ANK3: variants seen among roughly 807,000 people sequenced by gnomAD.
ANK3 encodes ankyrin 3.
In ANK3, 57 loss-of-function variants were observed where a neutral mutation model predicts 370.9. The ratio of observed to expected loss-of-function variants is 0.15; its 90% CI spans 0.12 to 0.19. The LOEUF (loss-of-function observed/expected upper bound fraction) is 0.19. ANK3 is among the 10% of genes least tolerant of loss of function. The pLI is 1.00. For synonymous variants in ANK3, 1,929 were observed against 1,946.3 expected, an observed-to-expected ratio of 0.99 and a Z score of 0.23; for missense variants, 4,439 against 5,302.1, an observed-to-expected ratio of 0.84 and a Z score of 5.06.
intron 2 of ANK3, among the ~76,000 whole-genome samples, chr10:60,597,956 A>G (rs2078010844): frequency 6.6e-6 from 1 of 152,222 alleles, no homozygotes; most frequent in African/African-American, 2.4e-5. Context: ...TGAACTTCAC[A>G]TAATAAAATA....
At chr10:60,080,649 T>A in intron 35 of ANK3, 31 bp from the exon 36 acceptor site, 1 of 1,512,074 alleles carries the variant, frequency 6.6e-7, no homozygotes, top group Non-Finnish European at 8.9e-7. Flanking sequence ...GACAACTCTA[T>A]TTCCAACTTC....
rs1444576681 is a variant in ANK3, at chr10:60,083,586, C to A, written c.4106G>T (p.Cys1369Phe). Residue 1369 changes from cysteine to phenylalanine, a missense_variant, in exon 33 of 44, where the codon TGT (cysteine) becomes TTT (phenylalanine). Coordinates refer to ENST00000280772, the MANE Select transcript of ANK3 (RefSeq NM_020987.5). ...GGTAAGTGGGGCCAAATTTCCATAA[C>A]AATCAACATAAATAGGTTTTCCTTC... ...VLEGKPIYVD[C>F]YGNLAPLTKG... The A allele has an allele frequency of 1.2e-6, 2 of 1,609,246 alleles. No individual in the cohort carries two copies. The highest frequency in any genetic ancestry group is 3.4e-5 in the Admixed American group (2 of 59,580).
chr10:60,364,666 A>G (rs549356625), intron 1 of ANK3, among the ~76,000 whole-genome samples: 1 of 152,306 alleles, frequency 6.6e-6, no homozygotes, highest in Admixed American at 6.5e-5. Context: ...CATTCTGCAC[A>G]TGTACCCCAG....
intron 2 of ANK3, among the ~76,000 whole-genome samples, chr10:60,597,451 G>A (rs1367482287): frequency 6.6e-6 from 1 of 152,172 alleles, no homozygotes; most frequent in East Asian, 1.9e-4. Flanking sequence ...ACTACTGTAT[G>A]TATTTAGCAG....
intron 1 of ANK3, among the ~76,000 whole-genome samples, chr10:60,671,020 G>A (rs1306844418): frequency 6.6e-6 from 1 of 152,136 alleles, no homozygotes; most frequent in Non-Finnish European, 1.5e-5. Flanking sequence ...GAATAAATAA[G>A]TAAATCAATA....
chr10:60,525,241 C>A (rs1325629962), intron 2 of ANK3, among the ~76,000 whole-genome samples: 1 of 151,968 alleles, frequency 6.6e-6, no homozygotes, highest in Non-Finnish European at 1.5e-5. Context: ...TGAAAAGAGA[C>A]AGGATTTTTA....
At chr10:60,329,075 AT>A (rs2050593037) in intron 1 of ANK3, among the ~76,000 whole-genome samples, 2 of 152,212 alleles carry the variant, frequency 1.3e-5, no homozygotes, top group African/African-American at 4.8e-5. Context: ...CTTCAATAAA[AT>A]TCAACATCCC....
intron 2 of ANK3, among the ~76,000 whole-genome samples, chr10:60,607,280 A>G (rs1206276819): frequency 6.6e-6 from 1 of 152,100 alleles, no homozygotes; most frequent in Non-Finnish European, 1.5e-5. Flanking sequence ...AGATAACCAG[A>G]GCTCAAAGAG....
chr10:60,046,376 G>GTGAT (rs1289567858), intron 42 of ANK3, among the ~76,000 whole-genome samples: 1 of 152,178 alleles, frequency 6.6e-6, no homozygotes, highest in Non-Finnish European at 1.5e-5. Context: ...ACATCTTTGA[G>GTGAT]TGATAGACAA....
rs114676786 is a variant in ANK3, at chr10:60,378,103, A to G, written c.114+11322T>C. On this transcript the variant is annotated intron_variant, in intron 1 of 43. Coordinates refer to ENST00000280772, the MANE Select transcript of ANK3 (RefSeq NM_020987.5). ...GCTTCTATTGTCAAGGAGGAAAACAATCCCCATCACTTCGTAAGGCCTGTG... is the reference window on the plus strand; with the variant it reads ...GCTTCTATTGTCAAGGAGGAAAACAGTCCCCATCACTTCGTAAGGCCTGTG... 6.4e-3 allele frequency among the ~76,000 whole-genome samples: 981 copies of G among 152,280 alleles called. 6 individuals carry two copies. The highest frequency in any genetic ancestry group is 0.019 in the African/African-American group (786 of 41,568).
At chr10:60,687,836 AAAG>A (rs2079291146) in intron 1 of ANK3, among the ~76,000 whole-genome samples, 1 of 152,234 alleles carries the variant, frequency 6.6e-6, no homozygotes. Flanking sequence ...ACAGATAAAT[AAAG>A]ACAATGTGGT....
intron 4 of ANK3, among the ~76,000 whole-genome samples, chr10:60,272,962 TCA>T (rs1164051760): frequency 2.0e-5 from 3 of 152,220 alleles, no homozygotes; most frequent in Non-Finnish European, 4.4e-5. Flanking sequence ...TCCACTGTTC[TCA>T]CAGTTTCCTT....
At chr10:60,572,217 C>T (rs1228710870) in intron 2 of ANK3, among the ~76,000 whole-genome samples, 1 of 152,118 alleles carries the variant, frequency 6.6e-6, no homozygotes, top group Non-Finnish European at 1.5e-5. Flanking sequence ...CTATGAAAAA[C>T]ACACCACGTC....
intron 2 of ANK3, among the ~76,000 whole-genome samples, chr10:60,588,507 T>C (rs1170085124): frequency 6.6e-6 from 1 of 151,986 alleles, no homozygotes; most frequent in African/African-American, 2.4e-5. Flanking sequence ...ATTATTATTA[T>C]AATTATACAA....
chr10:60,480,974 C>G lies in ANK3; in HGVS notation c.96+134212G>C, dbSNP rs138862891. On this transcript the variant is annotated intron_variant, in intron 2 of 43. Coordinates refer to the ANK3 transcript ENST00000373827. ...TTAGGATCAGTTTTCATGAACTAGA[C>G]TGCCAGTGCACACACCGACAGATGA... Among the ~76,000 whole-genome samples the G allele has an allele frequency of 3.0e-3, 457 of 152,288 alleles. 1 individual carries two copies. The highest frequency in any genetic ancestry group is 0.011 in the African/African-American group (438 of 41,564).
chr10:60,476,050 G>A (rs1295619929), intron 2 of ANK3, among the ~76,000 whole-genome samples: 1 of 152,188 alleles, frequency 6.6e-6, no homozygotes, highest in Non-Finnish European at 1.5e-5. Flanking sequence ...TTTTATTGTT[G>A]TTGTTTTAAT....
intron 2 of ANK3, among the ~76,000 whole-genome samples, chr10:60,490,510 C>T (rs982624188): frequency 1.3e-5 from 2 of 152,272 alleles, no homozygotes; most frequent in African/African-American, 4.8e-5. Flanking sequence ...CTCAGAACAT[C>T]ATGACCAACC....
intron 12 of ANK3, among the ~76,000 whole-genome samples, chr10:60,200,851 A>C (rs1292209571): frequency 6.6e-6 from 1 of 152,242 alleles, no homozygotes; most frequent in East Asian, 1.9e-4. Context: ...TTATCTGAAC[A>C]GATCAATATC....
intron 1 of ANK3, among the ~76,000 whole-genome samples, chr10:60,667,989 C>T (rs1292927937): frequency 1.0e-5 from 1 of 98,416 alleles, no homozygotes; most frequent in Non-Finnish European, 2.2e-5. Flanking sequence ...TACAGTAAGT[C>T]TAGATTAGGG....
Sources: allele counts gnomAD v4.1 joint callset (sites outside exome capture counted in the v4.1 genomes callset), GRCh38; gene constraint gnomAD v4.1.1; transcripts MANE v1.5; gene names NCBI Gene and HGNC (gene_info 2026-07-23, HGNC 2026-07-21).